ST6GALNAC2: variants seen among roughly 807,000 people sequenced by gnomAD.
ST6GALNAC2 encodes the protein ST6 N-acetylgalactosaminide alpha-2,6-sialyltransferase 2.
A neutral mutation model predicts 38.7 loss-of-function variants in ST6GALNAC2; 42 were observed. The ratio of observed to expected loss-of-function variants is 1.09; its 90% CI spans 0.85 to 1.40. ST6GALNAC2 has a LOEUF of 1.40. Among genes scored for constraint, ST6GALNAC2 ranks in the 40% most tolerant of loss-of-function variants. The probability of loss-of-function intolerance (pLI) is 0.00; values close to 1 mark genes in which losing one functional copy is unlikely to be tolerated. For missense variants in ST6GALNAC2, 506 were observed against 481.7 expected, an observed-to-expected ratio of 1.05 and a Z score of -0.47; for synonymous variants, 233 against 209.0, an observed-to-expected ratio of 1.11 and a Z score of -0.99.
At chr17:76,584,942 T>G (rs2075526646) in intron 1 of ST6GALNAC2, among the ~76,000 whole-genome samples, 1 of 152,214 alleles carries the variant, frequency 6.6e-6, no homozygotes, top group Non-Finnish European at 1.5e-5. Context: ...GTTTTGCGGC[T>G]TCTTCAGTCA....
At chr17:76,571,368 C>T (rs926976459) in intron 5 of ST6GALNAC2, 1 of 152,218 alleles carries the variant, frequency 6.6e-6, no homozygotes, top group African/African-American at 2.4e-5. Flanking sequence ...CCGAGGCAGA[C>T]GGATCATTTG....
intron 6 of ST6GALNAC2, 92 bp from the exon 7 acceptor site, chr17:76,568,888 C>T (rs537258276): frequency 1.1e-4 from 145 of 1,262,418 alleles, no homozygotes; most frequent in African/African-American, 8.9e-4. Flanking sequence ...GGAGTAGCCG[C>T]GGTACCCTGA....
At chr17:76,579,488 C>T (rs966994946) in intron 1 of ST6GALNAC2, among the ~76,000 whole-genome samples, 2 of 152,198 alleles carry the variant, frequency 1.3e-5, no homozygotes, top group Non-Finnish European at 2.9e-5. Context: ...GCCTTCCTTC[C>T]CCTTTGTGTG....
At chr17:76,567,330 T>G in intron 8 of ST6GALNAC2, 123 bp downstream of exon 8, 1 of 694,388 alleles carries the variant, frequency 1.4e-6, no homozygotes, top group Non-Finnish European at 2.5e-6. Context: ...CTCTTGGAAC[T>G]GGGGATTCCA....
chr17:76,582,655 G>A (rs1238923558), intron 1 of ST6GALNAC2, among the ~76,000 whole-genome samples: 1 of 152,276 alleles, frequency 6.6e-6, no homozygotes, highest in East Asian at 1.9e-4. Flanking sequence ...GCCCAGACTG[G>A]GCTCCACTCT....
intron 7 of ST6GALNAC2, chr17:76,568,169 T>A (rs1007159618): frequency 6.2e-6 from 1 of 162,254 alleles, no homozygotes; most frequent in African/African-American, 2.4e-5. Flanking sequence ...GTCTCAGTGC[T>A]GTTGACACTT....
chr17:76,572,550 G>A, intron 5 of ST6GALNAC2, 87 bp downstream of exon 5: 1 of 1,498,104 alleles, frequency 6.7e-7, no homozygotes. Context: ...GGACCAGGGT[G>A]TGTGAGCCCT....
chr17:76,566,174 T>G lies in ST6GALNAC2; in HGVS notation c.1055A>C (p.Asp352Ala), dbSNP rs1257684716. Residue 352 changes from aspartate (D) to alanine (A), a missense_variant, in exon 9 of 9, where the codon GAT (aspartate) becomes GCT (alanine). Physicochemically the swap from Asp to Ala is moderately radical, Grantham distance 126 (BLOSUM62 -2). Coordinates refer to ENST00000225276, the MANE Select transcript of ST6GALNAC2 (RefSeq NM_006456.3). ...MKPLIFYANH[D>A]LSLEAALWRD... ...CCACAGGGCAGCTTCCAGGGACAGA[T>G]CGTGGTTTGCATAAAATATCAATGG... The G allele has an allele frequency of 6.2e-7, 1 of 1,614,100 alleles. No individual in the cohort carries two copies.
At position 76,572,690 on chromosome 17, in the gene ST6GALNAC2, TC is replaced by T; in HGVS notation, c.615del (p.Asn206ThrfsTer33). ...SFYGFTVNTM[K>X]NSLVSYWNLG... is the part of the protein sequence containing the mutation. ...AGATTCCAGTAGGAGACGAGGGAGT[TC>T]TTCATCGTGTTCACAGTGAAACCAT... On this transcript the variant is annotated frameshift_variant, in exon 5 of 9. Transcript: ENST00000225276. LOFTEE classifies it high-confidence loss of function. 1 of 1,614,140 alleles carries T rather than the reference TC, an allele frequency of 6.2e-7. No individual in the cohort carries two copies. The highest frequency in any genetic ancestry group is 8.5e-7 in the Non-Finnish European group (1 of 1,180,000).
intron 1 of ST6GALNAC2, 77 bp from the exon 2 acceptor site, chr17:76,578,893 C>A: frequency 7.5e-7 from 1 of 1,340,092 alleles, no homozygotes; most frequent in Non-Finnish European, 1.0e-6. Context: ...TGACCGACCC[C>A]CTTAGCTCTA....
At position 76,573,389 on chromosome 17, in the gene ST6GALNAC2, A is replaced by G; in HGVS notation, c.362-26T>C. ...CTGTGGGTGCAGATGGGGAGCAGCC[A>G]TGAGGAGGGCTGGCATCGGGGGCAC... On this transcript the variant is annotated intron_variant, in intron 3 of 8. Transcript: ENST00000225276. The surrounding 1 kb of genome is among the most constrained non-coding windows in gnomAD (Gnocchi z 5.1). 6.7e-7 allele frequency: 1 copy of G among 1,495,742 alleles called. No homozygotes were observed. Among genetic ancestry groups the G allele is most frequent in the Non-Finnish European group, 8.9e-7 (1 of 1,119,632 alleles). 92.7% of individuals were successfully genotyped at this position (1,495,742 alleles called of 1,614,324 possible).
At chr17:76,582,066 C>T (rs1213467480) in intron 1 of ST6GALNAC2, among the ~76,000 whole-genome samples, 1 of 151,460 alleles carries the variant, frequency 6.6e-6, no homozygotes, top group African/African-American at 2.4e-5. Flanking sequence ...CGAGTTTCAC[C>T]ATGTTGGCCA....
rs369503254 is a variant in ST6GALNAC2 at position 76,577,662 on chromosome 17, G to A, written c.186+1094C>T. Among the ~76,000 whole-genome samples, 20 of 146,284 alleles carry A rather than the reference G, an allele frequency of 1.4e-4. No individual in the cohort carries two copies. The East Asian group carries it at 2.0e-3, about 15-fold the overall frequency. On this transcript the variant is annotated intron_variant, in intron 2 of 8. Transcript: ENST00000225276. Reference sequence around the variant, plus strand: ...ACGATCTCAGCTCACTGCAACCTCCGTCTCCTGGGTTCAAGCAATTCTGCC... The same window carrying A: ...ACGATCTCAGCTCACTGCAACCTCCATCTCCTGGGTTCAAGCAATTCTGCC...
At chr17:76,584,634 TG>T (rs1457711240) in intron 1 of ST6GALNAC2, among the ~76,000 whole-genome samples, 1 of 152,198 alleles carries the variant, frequency 6.6e-6, no homozygotes, top group Non-Finnish European at 1.5e-5. Flanking sequence ...TAAGTCACCG[TG>T]GCGGGGCAAG....
intron 5 of ST6GALNAC2, among the ~76,000 whole-genome samples, chr17:76,571,467 G>T (rs749450265): frequency 2.6e-5 from 4 of 152,344 alleles, no homozygotes; most frequent in East Asian, 1.9e-4. Context: ...GGTGGTGCGT[G>T]CCTGTAATCC....
intron 7 of ST6GALNAC2, chr17:76,568,466 ACCT>A (rs761102777): frequency 4.4e-5 from 25 of 564,098 alleles, no homozygotes; most frequent in Non-Finnish European, 6.3e-5. Context: ...CTTTGTATAA[ACCT>A]CCTTGAGTTA....
rs777618351 is a variant in ST6GALNAC2, at chr17:76,573,164, C to T, written c.530+31G>A. The T allele has an allele frequency of 1.9e-5, 25 of 1,343,588 alleles. No individual in the cohort carries two copies. Among genetic ancestry groups the T allele is most frequent in the Non-Finnish European group, 2.4e-5 (23 of 951,194 alleles). 83.2% of individuals were successfully genotyped at this position (1,343,588 alleles called of 1,614,324 possible). A position where few individuals can be genotyped will look rare whatever the true frequency, so the allele number is the denominator to read the frequency against. ...CCCCACCCTCCAGGCAACTCTCCCT[C>T]CCGCCCCTCCCCAGCTCCTACCCCT... On this transcript the variant is annotated intron_variant, in intron 4 of 8. Transcript: ENST00000225276. The surrounding 1 kb of genome is among the most constrained non-coding windows in gnomAD (Gnocchi z 5.1).
intron 6 of ST6GALNAC2, 159 bp downstream of exon 6, chr17:76,570,406 A>T: frequency 1.7e-6 from 1 of 605,784 alleles, no homozygotes; most frequent in South Asian, 1.9e-5. Context: ...CAGTGCTGTT[A>T]TGTGAATAAT....
chr17:76,572,849 T>C (rs1315183016), intron 4 of ST6GALNAC2, 74 bp from the exon 5 acceptor site: 4 of 1,564,970 alleles, frequency 2.6e-6, no homozygotes, highest in Non-Finnish European at 3.5e-6. Flanking sequence ...TCCACGGCTC[T>C]GCCTGGCCTA....
Sources: gnomAD v4.1 joint callset for allele counts (sites outside exome capture counted in the v4.1 genomes callset) on GRCh38, gnomAD v4.1.1 for gene constraint, Gnocchi (gnomAD v3.1) non-coding constraint, MANE v1.5 for transcripts, NCBI Gene and HGNC (gene_info 2026-07-23, HGNC 2026-07-21) for gene names.